TMEM170A: variants seen among roughly 807,000 people sequenced by gnomAD.
TMEM170A encodes the protein transmembrane protein 170.
In TMEM170A, 18 loss-of-function variants were observed where a neutral mutation model predicts 12.8. The ratio of observed to expected loss-of-function variants is 1.41; its 90% CI spans 0.97 to 2.09. TMEM170A has a LOEUF of 2.09. TMEM170A is among the 30% of genes most tolerant of loss of function. The pLI is 0.00. For synonymous variants in TMEM170A, 107 were observed against 76.2 expected (o/e 1.40, Z -2.11); for missense variants, 220 against 179.9 (o/e 1.22, Z -1.28).
At chr16:75,451,050 C>A (rs2079671975) in intron 2 of TMEM170A, among the ~76,000 whole-genome samples, 1 of 152,256 alleles carries the variant, frequency 6.6e-6, no homozygotes, top group Non-Finnish European at 1.5e-5. Flanking sequence ...TCTTGCAGGG[C>A]CAATGCTCAA....
At chr16:75,449,962 G>C (rs778036237) in intron 2 of TMEM170A, among the ~76,000 whole-genome samples, 2 of 152,142 alleles carry the variant, frequency 1.3e-5, no homozygotes, top group African/African-American at 4.8e-5. Context: ...AGACAGAAAT[G>C]AATACAACAT....
At position 75,444,015 on chromosome 16, in the gene TMEM170A, G is replaced by C. The variant is rs1289939352; in HGVS notation, c.*3543C>G. The C allele has an allele frequency of 6.6e-6, 1 of 151,790 alleles. No individual in the cohort carries two copies. Among genetic ancestry groups the C allele is most frequent in the Non-Finnish European group, 1.5e-5 (1 of 68,016 alleles). The allele number at this position is 151,790 out of a possible 1,614,324, so 9.4% of individuals were successfully genotyped here. On this transcript the variant is annotated 3_prime_UTR_variant, in exon 3 of 3. Coordinates refer to ENST00000561878, the MANE Select transcript of TMEM170A (RefSeq NM_145254.3). Reference sequence around the variant, plus strand: ...AGGCAGGACAATCACTTGAACCCAGGAAACGGAGGCTGCAGTGAGCTGAGA... The same window carrying C: ...AGGCAGGACAATCACTTGAACCCAGCAAACGGAGGCTGCAGTGAGCTGAGA...
intron 1 of TMEM170A, among the ~76,000 whole-genome samples, chr16:75,455,874 G>C (rs1445683757): frequency 6.6e-6 from 1 of 152,204 alleles, no homozygotes; most frequent in Non-Finnish European, 1.5e-5. Flanking sequence ...AAAGAGACCA[G>C]TCAGGGGCAT....
chr16:75,446,506 TA>T lies in TMEM170A; in HGVS notation c.*1051del, dbSNP rs1309687116. ...GGAGAGTGGGTACATATCTGAACAT[TA>T]AACTTTAGGCACTTTCTGGGAGTTG... On this transcript the variant is annotated 3_prime_UTR_variant, in exon 3 of 3. Coordinates refer to ENST00000561878, the MANE Select transcript of TMEM170A (RefSeq NM_145254.3). The T allele has an allele frequency of 6.6e-6, 1 of 152,200 alleles. No individual in the cohort carries two copies. The highest frequency in any genetic ancestry group is 1.9e-4 in the East Asian group (1 of 5,198). 9.4% of individuals were successfully genotyped at this position (152,200 alleles called of 1,614,324 possible).
At position 75,447,144 on chromosome 16, in the gene TMEM170A, A is replaced by G. The variant is rs560227552; in HGVS notation, c.*414T>C. 2.6e-5 allele frequency: 4 copies of G among 153,038 alleles called. No individual in the cohort carries two copies. The highest frequency in any genetic ancestry group is 2.1e-4 in the South Asian group (1 of 4,844). 9.5% of individuals were successfully genotyped at this position (153,038 alleles called of 1,614,324 possible). On this transcript the variant is annotated 3_prime_UTR_variant, in exon 3 of 3. Transcript: ENST00000561878. ...TTTGCCAAATTTTAATCAAGATTAG[A>G]TAAGATTTTAATACAACATACTCTG...
intron 1 of TMEM170A, 183 bp downstream of exon 1, chr16:75,464,285 G>T: frequency 6.7e-7 from 1 of 1,490,188 alleles, no homozygotes; most frequent in Non-Finnish European, 8.9e-7. Flanking sequence ...CTCCGCCTCA[G>T]GGACCGCCGA....
intron 2 of TMEM170A, among the ~76,000 whole-genome samples, chr16:75,449,665 A>C (rs1416691889): frequency 6.6e-6 from 1 of 152,190 alleles, no homozygotes; most frequent in African/African-American, 2.4e-5. Flanking sequence ...TTTTAACAAG[A>C]AGAAAGAACA....
intron 1 of TMEM170A, chr16:75,452,688 A>C (rs932068636): frequency 6.6e-6 from 1 of 151,950 alleles, no homozygotes; most frequent in Non-Finnish European, 1.5e-5. Flanking sequence ...AATCCGCCCA[A>C]CTTGGCCTCC....
chr16:75,463,574 C>A (rs936909876), intron 1 of TMEM170A, among the ~76,000 whole-genome samples: 1 of 152,218 alleles, frequency 6.6e-6, no homozygotes, highest in Non-Finnish European at 1.5e-5. Context: ...GTCCTCCTTC[C>A]CTCTGCTCTG....
chr16:75,464,135 G>C (rs1314215823), intron 1 of TMEM170A: 28 of 1,312,242 alleles, frequency 2.1e-5, no homozygotes, highest in Non-Finnish European at 2.7e-5. Flanking sequence ...ACAGCCTCCC[G>C]GGCTCGTGGG....
rs568686852 is a variant in TMEM170A, at chr16:75,452,193, G to C, written c.134-354C>G. Reference sequence around the variant, plus strand: ...TCACCATGTTAACCAGGATGGTCTCGATCTCCTGACCTCATGATCCGCCCG... The same window carrying C: ...TCACCATGTTAACCAGGATGGTCTCCATCTCCTGACCTCATGATCCGCCCG... On this transcript the variant is annotated intron_variant, in intron 1 of 2. Coordinates refer to ENST00000561878, the MANE Select transcript of TMEM170A (RefSeq NM_145254.3). Among the ~76,000 whole-genome samples the C allele has an allele frequency of 5.3e-5, 8 of 151,938 alleles. No individual in the cohort carries two copies. In the East Asian group the frequency reaches 7.8e-4, roughly 15 times the overall value.
intron 1 of TMEM170A, among the ~76,000 whole-genome samples, chr16:75,452,479 C>T (rs2079707458): frequency 6.6e-6 from 1 of 151,932 alleles, no homozygotes; most frequent in Admixed American, 6.6e-5. Flanking sequence ...CAGGGTCTCA[C>T]TACTCTGTTG....
At chr16:75,463,672 T>C (rs1362088115) in intron 1 of TMEM170A, among the ~76,000 whole-genome samples, 1 of 152,246 alleles carries the variant, frequency 6.6e-6, no homozygotes, top group East Asian at 1.9e-4. Flanking sequence ...CTTCTTGCCT[T>C]TCAAGGACCA....
At chr16:75,457,806 C>A (rs2079826416) in intron 1 of TMEM170A, among the ~76,000 whole-genome samples, 1 of 152,160 alleles carries the variant, frequency 6.6e-6, no homozygotes, top group Admixed American at 6.5e-5. Flanking sequence ...AGGAGGCACA[C>A]CGCACCCCCT....
chr16:75,456,341 C>T (rs921101202), intron 1 of TMEM170A, among the ~76,000 whole-genome samples: 3 of 152,040 alleles, frequency 2.0e-5, no homozygotes, highest in Non-Finnish European at 4.4e-5. Context: ...GTAATACCAG[C>T]ACTTTGGAGG....
intron 2 of TMEM170A, 87 bp from the exon 3 acceptor site, chr16:75,447,775 G>C: frequency 1.4e-6 from 2 of 1,380,486 alleles, no homozygotes; most frequent in Non-Finnish European, 2.0e-6. Flanking sequence ...ATACTACTGC[G>C]AGTAGAATGT....
In TMEM170A at chr16:75,445,565, G is replaced by A. The variant is rs2079570597; in HGVS notation, c.*1993C>T. ...TCCCACATCGACCTCCCAAAGTGCT[G>A]GGATTATAGGTGTGAGCCACTGCGC... On this transcript the variant is annotated 3_prime_UTR_variant, in exon 3 of 3. Coordinates refer to ENST00000561878, the MANE Select transcript of TMEM170A (RefSeq NM_145254.3). 6.6e-6 allele frequency: 1 copy of A among 152,256 alleles called. No individual in the cohort carries two copies. Among genetic ancestry groups the A allele is most frequent in the Non-Finnish European group, 1.5e-5 (1 of 68,100 alleles). The allele number at this position is 152,256 out of a possible 1,614,324, so 9.4% of individuals were successfully genotyped here.
At chr16:75,454,387 G>A (rs11649638) in intron 1 of TMEM170A, among the ~76,000 whole-genome samples, 74,986 of 151,870 alleles carry the variant, frequency 0.49, 19,991 homozygotes, top group Admixed American at 0.62. Context: ...GGGAGGTCGA[G>A]GTGGGCTAAT....
At position 75,445,733 on chromosome 16, in the gene TMEM170A, G is replaced by A. The variant is rs1702163586; in HGVS notation, c.*1825C>T. 6.7e-6 allele frequency: 1 copy of A among 149,930 alleles called. No individual in the cohort carries two copies. The highest frequency in any genetic ancestry group is 2.5e-5 in the African/African-American group (1 of 40,642). The allele number at this position is 149,930 out of a possible 1,614,324, so 9.3% of individuals were successfully genotyped here. A position where few individuals can be genotyped will look rare whatever the true frequency, so the allele number is the denominator to read the frequency against. ...TTTTTTCCAAATTGGGCAGACTCCAGAATCACAGTAGATTCAGAGACTCTC... is the reference window on the plus strand; with the variant it reads ...TTTTTTCCAAATTGGGCAGACTCCAAAATCACAGTAGATTCAGAGACTCTC... On this transcript the variant is annotated 3_prime_UTR_variant, in exon 3 of 3. Transcript: ENST00000561878.
Sources: allele counts gnomAD v4.1 joint callset (sites outside exome capture counted in the v4.1 genomes callset), GRCh38; gene constraint gnomAD v4.1.1; transcripts MANE v1.5; gene names NCBI Gene and HGNC (gene_info 2026-07-23, HGNC 2026-07-21).